The following MAP3K21 variants were observed in gnomAD, a reference collection of about 807,000 sequenced individuals.
MAP3K21 encodes the protein mitogen-activated protein kinase kinase kinase MLK4.
In MAP3K21, 63 loss-of-function variants were observed where a neutral mutation model predicts 86.1. That is an observed-to-expected ratio of 0.73 (90% CI 0.60 to 0.90). The LOEUF is 0.90. Ranked by LOEUF, MAP3K21 falls within the 40% of genes least tolerant of loss-of-function variation. The pLI, the probability that MAP3K21 is intolerant of heterozygous loss-of-function variation, is 0.00. For synonymous variants in MAP3K21, 558 were observed against 564.8 expected, an observed-to-expected ratio of 0.99 and a Z score of 0.17; for missense variants, 1,220 against 1,367.7, an observed-to-expected ratio of 0.89 and a Z score of 1.70.
At chr1:233,370,310 C>A (rs977661486) in intron 5 of MAP3K21, among the ~76,000 whole-genome samples, 5 of 152,166 alleles carry the variant, frequency 3.3e-5, no homozygotes, top group African/African-American at 1.2e-4. Flanking sequence ...ACTGAGACTT[C>A]AAGACCTTAA....
In MAP3K21 at chr1:233,344,956, A is replaced by G. The variant is rs150594104; in HGVS notation, c.806-1486A>G. On this transcript the variant is annotated intron_variant, in intron 1 of 9. Transcript: ENST00000366624. ...AGACACTTCTCAAAAGAAGACATTT[A>G]TGCAGCCAACAGACACATGAAAAAA... is the stretch of plus-strand genomic sequence containing the variant. 6.0e-3 allele frequency among the ~76,000 whole-genome samples: 918 copies of G among 152,328 alleles called. 21 individuals are homozygous for G. In the East Asian group the frequency reaches 0.063, roughly 10 times the overall value.
chr1:233,345,589 G>C (rs191960934), intron 1 of MAP3K21, among the ~76,000 whole-genome samples: 1 of 151,778 alleles, frequency 6.6e-6, no homozygotes, highest in African/African-American at 2.4e-5. Flanking sequence ...TCATGGGATG[G>C]GGGGCAGGGG....
chr1:233,357,293 T>C (rs992107482), intron 4 of MAP3K21, among the ~76,000 whole-genome samples: 1 of 151,846 alleles, frequency 6.6e-6, no homozygotes, highest in Non-Finnish European at 1.5e-5. Context: ...TTAGGAGATA[T>C]ACCTAATGTA....
At chr1:233,346,401 TAAA>T (rs749874734) in intron 1 of MAP3K21, 38 bp from the exon 2 acceptor site, 2 of 1,494,504 alleles carry the variant, frequency 1.3e-6, no homozygotes, top group Non-Finnish European at 1.8e-6. Flanking sequence ...ACAGAAAAAT[TAAA>T]AGAATATGCA....
At chr1:233,341,195 C>T (rs934068758) in intron 1 of MAP3K21, among the ~76,000 whole-genome samples, 1 of 152,144 alleles carries the variant, frequency 6.6e-6, no homozygotes, top group African/African-American at 2.4e-5. Flanking sequence ...GGTTAGTTTG[C>T]CTGGTTTGTA....
Position 233,376,525 on chromosome 1 carries a change from C to T in MAP3K21, c.1922C>T (p.Pro641Leu). 6.2e-7 allele frequency: 1 copy of T among 1,606,798 alleles called. No individual in the cohort carries two copies. Among genetic ancestry groups the T allele is most frequent in the Non-Finnish European group, 8.5e-7 (1 of 1,174,520 alleles). The change falls in exon 8 of 10, where the codon CCA (proline) becomes CTA (leucine). Residue 641 changes from proline to leucine, a missense_variant and splice_region_variant. Physicochemically the swap from Pro to Leu is moderately conservative, Grantham distance 98 (BLOSUM62 -3). Transcript: ENST00000366624. The part of the protein sequence containing the change: ...MPLASLFVDQ[P>L]GSCEEPKLSP... ...TTGGCTTCATTGTTTGTGGACCAGC[C>T]AGGTAAATGTGTTTCAGGAGGTAGG... is the stretch of plus-strand genomic sequence containing the variant.
In MAP3K21 at chr1:233,328,635, G is replaced by C; in HGVS notation, c.607G>C (p.Ala203Pro). The C allele has an allele frequency of 6.9e-7, 1 of 1,450,404 alleles. No individual in the cohort carries two copies. The highest frequency in any genetic ancestry group is 9.1e-7 in the Non-Finnish European group (1 of 1,103,844). 89.8% of individuals were successfully genotyped at this position (1,450,404 alleles called of 1,614,324 possible). Residue 203 changes from alanine to proline, a missense_variant, in exon 1 of 10, where the codon GCC (alanine) becomes CCC (proline). This residue lies in a region of MAP3K21 where 369 missense variants were observed against 385.3 expected (regional missense o/e 0.96). Coordinates refer to ENST00000366624, the MANE Select transcript of MAP3K21 (RefSeq NM_032435.3). The surrounding 1 kb of genome is among the most constrained non-coding windows in gnomAD (Gnocchi z 8.7). ...GCACCTCTGCCTGGTGCTGGAGTTCGCCCGCGGCGGAGCGCTCAACCGAGC... is the reference window on the plus strand; with the variant it reads ...GCACCTCTGCCTGGTGCTGGAGTTCCCCCGCGGCGGAGCGCTCAACCGAGC... ...QPHLCLVLEF[A>P]RGGALNRALA...
chr1:233,359,929 T>G (rs1663435907), intron 4 of MAP3K21, among the ~76,000 whole-genome samples: 1 of 152,252 alleles, frequency 6.6e-6, no homozygotes. Context: ...TCAATCTTAT[T>G]TTTTTCTTTT....
At chr1:233,368,065 C>A (rs1196600392) in intron 5 of MAP3K21, among the ~76,000 whole-genome samples, 1 of 152,078 alleles carries the variant, frequency 6.6e-6, no homozygotes, top group Admixed American at 6.6e-5. Flanking sequence ...TATTTATTGT[C>A]CCATCATTTG....
chr1:233,381,140 T>C lies in MAP3K21; in HGVS notation c.2705-1165T>C, dbSNP rs577422787. On this transcript the variant is annotated intron_variant, in intron 9 of 9. Transcript: ENST00000366624. ...TACGTAGACTGCTTTCTTGTTTGAA[T>C]GTCTTAAAAAGCATTGTAGTGTCAT... is the stretch of plus-strand genomic sequence containing the variant. Among the ~76,000 whole-genome samples the C allele has an allele frequency of 7.9e-5, 12 of 152,332 alleles. No homozygotes were observed. In the South Asian group the frequency reaches 2.5e-3, roughly 32 times the overall value.
intron 6 of MAP3K21, among the ~76,000 whole-genome samples, chr1:233,374,463 C>G (rs767271684): frequency 6.6e-6 from 1 of 152,088 alleles, no homozygotes; most frequent in Non-Finnish European, 1.5e-5. Context: ...CGTGAGCCAT[C>G]GCACCCGGCC....
rs756061340 is a variant in MAP3K21, at chr1:233,328,308, G to T, written c.280G>T (p.Ala94Ser). Residue 94 changes from alanine to serine, a missense_variant, in exon 1 of 10, where the codon GCC becomes TCC. By Grantham distance (99) the Ala-to-Ser change is moderately conservative (BLOSUM62 1). This residue lies in a region of MAP3K21 where 369 missense variants were observed against 385.3 expected (regional missense o/e 0.96). Transcript: ENST00000366624. The surrounding 1 kb of genome is among the most constrained non-coding windows in gnomAD (Gnocchi z 8.7). The part of the protein sequence containing the change: ...QVQRRLGIFP[A>S]NYVAPCRPAA... ...GCAGCGGCGCCTCGGCATCTTCCCC[G>T]CCAACTACGTGGCTCCCTGCCGCCC... The T allele has an allele frequency of 1.3e-6, 2 of 1,483,716 alleles. No individual in the cohort carries two copies. Among genetic ancestry groups the T allele is most frequent in the Admixed American group, 2.3e-5 (1 of 43,852 alleles). The allele number at this position is 1,483,716 out of a possible 1,614,324, so 91.9% of individuals were successfully genotyped here.
At chr1:233,364,013 CAA>C (rs1025566213) in intron 5 of MAP3K21, among the ~76,000 whole-genome samples, 1 of 141,608 alleles carries the variant, frequency 7.1e-6, no homozygotes, top group Non-Finnish European at 1.5e-5. Context: ...GACTCTGTCT[CAA>C]AAAAAAAAGA....
intron 4 of MAP3K21, among the ~76,000 whole-genome samples, chr1:233,360,948 C>G (rs577859910): frequency 5.9e-5 from 9 of 152,162 alleles, no homozygotes; most frequent in Non-Finnish European, 1.0e-4. Context: ...CTGCAGTTTC[C>G]AACAAAGATT....
intron 5 of MAP3K21, among the ~76,000 whole-genome samples, chr1:233,369,922 C>T (rs1251203779): frequency 1.3e-5 from 2 of 152,132 alleles, no homozygotes; most frequent in Non-Finnish European, 2.9e-5. Flanking sequence ...AACTCAGGCT[C>T]AGGTTTGCAG....
intron 4 of MAP3K21, 145 bp downstream of exon 4, chr1:233,355,156 AAAAC>A (rs1663328870): frequency 1.5e-6 from 1 of 651,146 alleles, no homozygotes; most frequent in African/African-American, 1.8e-5. Flanking sequence ...GGTTAAAAAT[AAAAC>A]AAAAATAAAA....
At chr1:233,335,768 A>C (rs2102758410) in intron 1 of MAP3K21, among the ~76,000 whole-genome samples, 2 of 152,354 alleles carry the variant, frequency 1.3e-5, no homozygotes, top group East Asian at 3.9e-4. Flanking sequence ...ACATTTTAAA[A>C]ATGTTTAATA....
intron 5 of MAP3K21, among the ~76,000 whole-genome samples, chr1:233,362,574 G>A (rs533677746): frequency 6.6e-6 from 1 of 152,258 alleles, no homozygotes; most frequent in South Asian, 2.1e-4. Context: ...GACTCCTTTT[G>A]AAATTGAAGC....
chr1:233,337,837 A>G (rs1662946453), intron 1 of MAP3K21, among the ~76,000 whole-genome samples: 1 of 152,214 alleles, frequency 6.6e-6, no homozygotes, highest in African/African-American at 2.4e-5. Flanking sequence ...GCTATTGGAA[A>G]AAGAGCAAAT....
Sources: gnomAD v4.1 joint callset for allele counts (sites outside exome capture counted in the v4.1 genomes callset) on GRCh38, gnomAD v4.1.1 for gene constraint, gnomAD v4.1.1 regional missense constraint, Gnocchi (gnomAD v3.1) non-coding constraint, MANE v1.5 for transcripts, NCBI Gene and HGNC (gene_info 2026-07-23, HGNC 2026-07-21) for gene names.